Variants in SPICE1 observed in about 807,000 individuals in gnomAD.
SPICE1 encodes spindle and centriole associated protein 1.
SPICE1 carries 75 observed loss-of-function variants against 102.7 expected under a neutral mutation model. That is an observed-to-expected ratio of 0.73 (90% CI 0.61 to 0.88). SPICE1 has a LOEUF of 0.88. SPICE1 is among the 40% of genes least tolerant of loss of function. SPICE1 has a pLI of 0.00. For synonymous variants in SPICE1, 308 were observed against 350.3 expected (o/e 0.88, Z 1.35); for missense variants, 979 against 1,020.1 (o/e 0.96, Z 0.55).
At chr3:113,494,164 A>G in intron 4 of SPICE1, 22 bp from the exon 5 acceptor site, 1 of 1,470,660 alleles carries the variant, frequency 6.8e-7, no homozygotes. Flanking sequence ...TTAATGACAA[A>G]TATTATTATT....
chr3:113,488,877 T>A, intron 7 of SPICE1, 68 bp downstream of exon 7: 1 of 860,744 alleles, frequency 1.2e-6, no homozygotes, highest in Non-Finnish European at 1.9e-6. Flanking sequence ...AATGATGCAA[T>A]AGGCAAACAT....
intron 7 of SPICE1, among the ~76,000 whole-genome samples, chr3:113,479,090 G>A (rs1440427916): frequency 8.0e-5 from 12 of 150,186 alleles, no homozygotes; most frequent in African/African-American, 1.5e-4. Flanking sequence ...TCGTCATTTA[G>A]CATTAGGTGT....
At chr3:113,503,957 A>G (rs1008849194) in intron 2 of SPICE1, among the ~76,000 whole-genome samples, 29 of 150,206 alleles carry the variant, frequency 1.9e-4, no homozygotes, top group African/African-American at 7.1e-4. Context: ...AAAAAAAGAA[A>G]GTGTGATCAC....
At chr3:113,489,277 C>G (rs931202570) in intron 6 of SPICE1, among the ~76,000 whole-genome samples, 1 of 152,104 alleles carries the variant, frequency 6.6e-6, no homozygotes, top group African/African-American at 2.4e-5. Flanking sequence ...TTCAGTTCAC[C>G]AACATTTAAA....
In SPICE1 at chr3:113,515,022, T is replaced by A. The variant is rs934036859; in HGVS notation, c.-126A>T. ...CTCCCCACCCTTTTGGTAGCCCTGG[T>A]CCCTAAGGCTCGTTGGGACTGCGAG... On this transcript the variant is annotated 5_prime_UTR_variant, in exon 1 of 18. Coordinates refer to ENST00000295872, the MANE Select transcript of SPICE1 (RefSeq NM_144718.4). 3.6e-5 allele frequency: 11 copies of A among 306,174 alleles called. No individual in the cohort carries two copies. The highest frequency in any genetic ancestry group is 6.0e-5 in the Non-Finnish European group (10 of 167,820). 19.0% of individuals were successfully genotyped at this position (306,174 alleles called of 1,614,324 possible).
intron 7 of SPICE1, among the ~76,000 whole-genome samples, chr3:113,476,916 A>C (rs1347376896): frequency 6.6e-6 from 1 of 152,240 alleles, no homozygotes; most frequent in Non-Finnish European, 1.5e-5. Context: ...AATGGCAACA[A>C]AGCCAAAATT....
At chr3:113,449,059 C>T (rs1935582143) in intron 15 of SPICE1, 1 of 152,206 alleles carries the variant, frequency 6.6e-6, no homozygotes, top group African/African-American at 2.4e-5. Context: ...TTAGCCCTGT[C>T]TCCTCTTAAA....
chr3:113,509,004 T>C (rs1937166372), intron 1 of SPICE1, among the ~76,000 whole-genome samples: 1 of 152,180 alleles, frequency 6.6e-6, no homozygotes, highest in East Asian at 1.9e-4. Flanking sequence ...CCCCTATTGT[T>C]TGGTATCATT....
intron 16 of SPICE1, among the ~76,000 whole-genome samples, chr3:113,447,273 G>A (rs1935540300): frequency 6.6e-6 from 1 of 152,140 alleles, no homozygotes; most frequent in Non-Finnish European, 1.5e-5. Context: ...TGAGTGGAAA[G>A]TACAGAGTTC....
chr3:113,483,319 G>A (rs1013503224), intron 7 of SPICE1, among the ~76,000 whole-genome samples: 3 of 152,270 alleles, frequency 2.0e-5, no homozygotes, highest in East Asian at 3.9e-4. Context: ...AGACGATGGT[G>A]TTTTCTAAAT....
intron 7 of SPICE1, among the ~76,000 whole-genome samples, chr3:113,477,606 T>A (rs1392706775): frequency 6.6e-6 from 1 of 151,942 alleles, no homozygotes; most frequent in Admixed American, 6.6e-5. Flanking sequence ...CTATGCAGCC[T>A]TAAAAAATGA....
rs1214714953 is a variant in SPICE1 at position 113,443,535 on chromosome 3, T to C, written c.*1772A>G. 1 of 152,210 alleles carries C rather than the reference T, an allele frequency of 6.6e-6. No homozygotes were observed. Among genetic ancestry groups the C allele is most frequent in the Non-Finnish European group, 1.5e-5 (1 of 68,038 alleles). The allele number at this position is 152,210 out of a possible 1,614,324, so 9.4% of individuals were successfully genotyped here. A position where few individuals can be genotyped will look rare whatever the true frequency, so the allele number is the denominator to read the frequency against. On this transcript the variant is annotated 3_prime_UTR_variant, in exon 18 of 18. Coordinates refer to ENST00000295872, the MANE Select transcript of SPICE1 (RefSeq NM_144718.4). ...TCTAACTGATAGGTCTACTATGAGA[T>C]TCAAATGAGATAATGGTGATACCAC... is the stretch of plus-strand genomic sequence containing the variant.
At chr3:113,507,833 T>TA (rs1937141821) in intron 1 of SPICE1, among the ~76,000 whole-genome samples, 1 of 152,218 alleles carries the variant, frequency 6.6e-6, no homozygotes, top group East Asian at 1.9e-4. Flanking sequence ...ATGAGGTACT[T>TA]ACTATTTATT....
At chr3:113,475,319 G>A (rs1426360550) in intron 7 of SPICE1, among the ~76,000 whole-genome samples, 1 of 152,126 alleles carries the variant, frequency 6.6e-6, no homozygotes, top group Non-Finnish European at 1.5e-5. Flanking sequence ...AAGAGTCAAG[G>A]ACCAGATGGA....
chr3:113,457,703 G>A (rs1164798537), intron 12 of SPICE1, among the ~76,000 whole-genome samples: 1 of 152,084 alleles, frequency 6.6e-6, no homozygotes, highest in Non-Finnish European at 1.5e-5. Context: ...CTGTCACCCA[G>A]GCTGAAGTGC....
chr3:113,485,379 G>A (rs1936621948), intron 7 of SPICE1, among the ~76,000 whole-genome samples: 1 of 152,066 alleles, frequency 6.6e-6, no homozygotes, highest in Non-Finnish European at 1.5e-5. Flanking sequence ...AACCTGGGAC[G>A]CTCGAGCTTG....
At chr3:113,513,479 C>T (rs1937258894) in intron 1 of SPICE1, among the ~76,000 whole-genome samples, 2 of 149,710 alleles carry the variant, frequency 1.3e-5, no homozygotes, top group African/African-American at 4.8e-5. Context: ...CTATATACAT[C>T]TCCCAAATAT....
intron 7 of SPICE1, among the ~76,000 whole-genome samples, chr3:113,485,599 C>G (rs1936628840): frequency 6.6e-6 from 1 of 152,100 alleles, no homozygotes; most frequent in Non-Finnish European, 1.5e-5. Context: ...TAAATAAAAC[C>G]CCCATCTCCC....
At chr3:113,505,745 AT>A (rs1288228541) in intron 2 of SPICE1, among the ~76,000 whole-genome samples, 1 of 151,878 alleles carries the variant, frequency 6.6e-6, no homozygotes, top group Non-Finnish European at 1.5e-5. Flanking sequence ...TACAAAAAAT[AT>A]TTTTTTTAAG....
Sources: gnomAD v4.1 joint callset for allele counts (sites outside exome capture counted in the v4.1 genomes callset) on GRCh38, gnomAD v4.1.1 for gene constraint, MANE v1.5 for transcripts, NCBI Gene and HGNC (gene_info 2026-07-23, HGNC 2026-07-21) for gene names.